The following ABCA2 variants were observed in gnomAD, a reference collection of about 807,000 sequenced individuals.
ABCA2 encodes ATP binding cassette subfamily A member 2.
ABCA2 carries 84 observed loss-of-function variants against 262.8 expected under a neutral mutation model. That is an observed-to-expected ratio of 0.32 (90% CI 0.27 to 0.38). The LOEUF (loss-of-function observed/expected upper bound fraction) is 0.38, where lower values mean the gene tolerates loss of function less well. Among genes scored for constraint, ABCA2 ranks in the 10% least tolerant of loss-of-function variants. The probability of loss-of-function intolerance (pLI) is 1.00; values close to 1 mark genes in which losing one functional copy is unlikely to be tolerated. For synonymous variants in ABCA2, 1,696 were observed against 1,502.9 expected (o/e 1.13, Z -2.97); for missense variants, 2,662 against 3,405.9 (o/e 0.78, Z 5.44).
At chr9:137,023,788 C>G in intron 3 of ABCA2, 50 bp downstream of exon 3, 1 of 736,636 alleles carries the variant, frequency 1.4e-6, no homozygotes, top group Non-Finnish European at 2.5e-6. Flanking sequence ...CCCATGGGCC[C>G]CCCGCAGCTG....
In ABCA2 at chr9:137,012,384, A is replaced by G. The variant is rs769188215; in HGVS notation, c.5188-8T>C. The G allele has an allele frequency of 5.6e-6, 9 of 1,611,446 alleles. No individual in the cohort carries two copies. Among genetic ancestry groups the G allele is most frequent in the Non-Finnish European group, 8.5e-7 (1 of 1,179,042 alleles). ...CTTGTTGTTGTAGAAAACCTGCAGA[A>G]GGAAGAGGACACAGAAAGGCCCCAG... On this transcript the variant is annotated splice_region_variant and splice_polypyrimidine_tract_variant and intron_variant, in intron 32 of 48. Transcript: ENST00000341511.
chr9:137,012,010 C>T lies in ABCA2; in HGVS notation c.5369G>A (p.Gly1790Asp), dbSNP rs1190827734. 6.2e-7 allele frequency: 1 copy of T among 1,612,324 alleles called. No individual in the cohort carries two copies. Residue 1790 changes from glycine (G) to aspartate (D), a missense_variant, in exon 35 of 49, where the codon GGC becomes GAC. Coordinates refer to ENST00000341511, the MANE Select transcript of ABCA2 (RefSeq NM_001606.5). Reference sequence around the variant, plus strand: ...GAAGATGGCGATGACGACATCCGTGCCCTGCAGCCTGGGGCAAGGAAGCCC... The same window carrying T: ...GAAGATGGCGATGACGACATCCGTGTCCTGCAGCCTGGGGCAAGGAAGCCC... ...ASLSLDYLLQ[G>D]TDVVIAIFII...
Position 137,011,543 on chromosome 9 carries a change from G to A in ABCA2, c.5663C>T (p.Thr1888Met). 2 of 1,583,980 alleles carry A rather than the reference G, an allele frequency of 1.3e-6. No individual in the cohort carries two copies. Among genetic ancestry groups the A allele is most frequent in the Non-Finnish European group, 1.7e-6 (2 of 1,165,200 alleles). Residue 1888 changes from threonine (T) to methionine (M), a missense_variant, in exon 37 of 49, where the codon ACG becomes ATG. Around this residue, in one of 12 missense-constraint regions of ABCA2, gnomAD observed 602 missense variants for 897.4 expected, o/e 0.67. Transcript: ENST00000341511. This position sits in a 1 kb window ranked among gnomAD's most constrained non-coding sequence, Gnocchi z 8.8. ...SLFLLYGWSI[T>M]PIMYPASFWF... ...GAAGGAGGCCGGGTACATGATGGGC[G>A]TGATGGACCACCTGCGGGCAGGTGG...
chr9:137,024,822 G>C (rs1277210331), intron 1 of ABCA2, among the ~76,000 whole-genome samples: 3 of 146,286 alleles, frequency 2.1e-5, no homozygotes, highest in Non-Finnish European at 4.5e-5. Context: ...TTTTTGAGAC[G>C]GAGTCTCACT....
chr9:137,016,441 G>A lies in ABCA2; in HGVS notation c.2954C>T (p.Thr985Ile), dbSNP rs956880367. 1.9e-6 allele frequency: 3 copies of A among 1,612,790 alleles called. No homozygotes were observed. Among genetic ancestry groups the A allele is most frequent in the East Asian group, 4.5e-5 (2 of 44,880 alleles). The change falls in exon 21 of 49, where the codon ACC becomes ATC. Residue 985 changes from threonine to isoleucine, a missense_variant. Around this residue, in one of 12 missense-constraint regions of ABCA2, gnomAD observed 133 missense variants for 150.8 expected, o/e 0.88. Transcript: ENST00000341511. Reference sequence around the variant, plus strand: ...CACGCAGACAACCAGAGGCAGGTGGGTGGGCTCCTCCTCCATGCCACGGGT... The same window carrying A: ...CACGCAGACAACCAGAGGCAGGTGGATGGGCTCCTCCTCCATGCCACGGGT... Reference protein sequence around the residue: ...EETRGMEEEPTHLPLVVCVDK... With the variant: ...EETRGMEEEPIHLPLVVCVDK...
intron 10 of ABCA2, 173 bp downstream of exon 10, chr9:137,020,163 A>AG (rs201067832): frequency 0.086 from 71,774 of 831,914 alleles, 3,813 homozygotes; most frequent in African/African-American, 0.2. Flanking sequence ...GAGCTCCCGA[A>AG]AGGAAAAGCG....
At position 137,021,968 on chromosome 9, in the gene ABCA2, G is replaced by A. The variant is rs199867597; in HGVS notation, c.601C>T (p.Leu201=). The A allele has an allele frequency of 1.2e-5, 19 of 1,599,390 alleles. No individual in the cohort carries two copies. Among genetic ancestry groups the A allele is most frequent in the African/African-American group, 5.5e-5 (4 of 73,082 alleles). Residue 201 remains leucine (L), a synonymous_variant, in exon 7 of 49, where the codon CTG becomes TTG. Coordinates refer to ENST00000341511, the MANE Select transcript of ABCA2 (RefSeq NM_001606.5). The surrounding 1 kb of genome is among the most constrained non-coding windows in gnomAD (Gnocchi z 6.0). ...YHLLFGPSSA[L]DSQSGLHKGQ... is the part of the protein sequence containing the mutation. ...TTGTGGAGGCCAGACTGTGAATCCA[G>A]GGCAGATGAGGGACCAAAGAGCAGG...
rs1302422635 is a variant in ABCA2 at position 137,014,918 on chromosome 9, A to T, written c.3877T>A (p.Phe1293Ile). Residue 1293 changes from phenylalanine (F) to isoleucine (I), a missense_variant, in exon 25 of 49, where the codon TTC (phenylalanine) becomes ATC (isoleucine). Phe to Ile is a conservative substitution (Grantham distance 21). Around this residue, in one of 12 missense-constraint regions of ABCA2, gnomAD observed 297 missense variants for 286.5 expected, o/e 1.04. Coordinates refer to ENST00000341511, the MANE Select transcript of ABCA2 (RefSeq NM_001606.5). ...AAKKGAFERL[F>I]QHLERSLDAL... ...CGACCCGTGCGCCCTCACACCTGGA[A>T]GAGGCGCTCGAAAGCCCCCTTCTTG... The T allele has an allele frequency of 6.4e-7, 1 of 1,571,350 alleles. No homozygotes were observed.
At chr9:137,023,684 G>A in intron 3 of ABCA2, 154 bp downstream of exon 3, 2 of 688,570 alleles carry the variant, frequency 2.9e-6, no homozygotes, top group South Asian at 3.1e-5. Flanking sequence ...TTCACTGCCT[G>A]CCACCCCCCA....
rs750020516 is a variant in ABCA2, at chr9:137,012,389, G to A, written c.5188-13C>T. 20 of 1,610,960 alleles carry A rather than the reference G, an allele frequency of 1.2e-5. No homozygotes were observed. The highest frequency in any genetic ancestry group is 1.7e-5 in the Admixed American group (1 of 59,960). On this transcript the variant is annotated splice_polypyrimidine_tract_variant and intron_variant, in intron 32 of 48. Transcript: ENST00000341511. Reference sequence around the variant, plus strand: ...TGTTGTAGAAAACCTGCAGAAGGAAGAGGACACAGAAAGGCCCCAGGACCT... The same window carrying A: ...TGTTGTAGAAAACCTGCAGAAGGAAAAGGACACAGAAAGGCCCCAGGACCT...
In ABCA2 at chr9:137,011,467, G is replaced by C. The variant is rs759961132; in HGVS notation, c.5739C>G (p.Leu1913=). The C allele has an allele frequency of 6.2e-7, 1 of 1,610,746 alleles. No individual in the cohort carries two copies. The highest frequency in any genetic ancestry group is 8.5e-7 in the Non-Finnish European group (1 of 1,179,000). ...CCACGGTGGCGGTGATGCCGATGAA[G>C]AGATTGATGACAATGAGGAACACGT... ...SAYVFLIVIN[L]FIGITATVAT... The change falls in exon 37 of 49, where the codon CTC becomes CTG. Residue 1913 remains leucine (L), a synonymous_variant. Transcript: ENST00000341511. The surrounding 1 kb of genome is among the most constrained non-coding windows in gnomAD (Gnocchi z 8.8).
intron 3 of ABCA2, 87 bp from the exon 4 acceptor site, chr9:137,023,139 G>T: frequency 9.4e-7 from 1 of 1,063,244 alleles, no homozygotes. Context: ...GACAGAGGCC[G>T]AGAGGAGAAA....
rs201802252 is a variant in ABCA2 at position 137,022,496 on chromosome 9, C to T, written c.440-18G>A. On this transcript the variant is annotated intron_variant, in intron 5 of 48. Coordinates refer to ENST00000341511, the MANE Select transcript of ABCA2 (RefSeq NM_001606.5). ...GGAAGACACTGGACAGGCAGGAAGGCGAGGCTGAGAGGCCGCTGCACCTTG... is the reference window on the plus strand; with the variant it reads ...GGAAGACACTGGACAGGCAGGAAGGTGAGGCTGAGAGGCCGCTGCACCTTG... The T allele has an allele frequency of 2.9e-5, 46 of 1,608,112 alleles. No individual in the cohort carries two copies. The African/African-American group carries it at 4.8e-4, about 17-fold the overall frequency.
At chr9:137,018,392 G>T in intron 13 of ABCA2, 41 bp from the exon 14 acceptor site, 1 of 1,405,880 alleles carries the variant, frequency 7.1e-7, no homozygotes, top group Non-Finnish European at 9.4e-7. Flanking sequence ...ATGCAGGGGC[G>T]GGACCAAGGC....
At chr9:137,020,175 C>A (rs934707440) in intron 10 of ABCA2, 161 bp downstream of exon 10, 18 of 867,492 alleles carry the variant, frequency 2.1e-5, no homozygotes, top group Non-Finnish European at 2.9e-5. Flanking sequence ...GGAAAAGCGA[C>A]CCCCTGGTCC....
chr9:137,028,752 C>A (rs776332482), upstream of ABCA2: 4 of 1,283,606 alleles, frequency 3.1e-6, no homozygotes, highest in South Asian at 5.3e-5. The surrounding 1 kb of genome is among the most constrained non-coding windows in gnomAD (Gnocchi z 6.9). Flanking sequence ...TGGGTCCGTC[C>A]CGCGATTCCG....
Position 137,019,207 on chromosome 9 carries a change from G to C in ABCA2, c.1525C>G (p.Leu509Val). ...EIRSFLEQGR[L>V]QQHLRWLQQY... ...TGCAGCCAGCGCAGGTGTTGCTGCA[G>C]CCTGCCCTGCTCCAGGAAGCTGCGG... The change falls in exon 11 of 49, where the codon CTG (leucine) becomes GTG (valine). Residue 509 changes from leucine to valine, a missense_variant. Transcript: ENST00000341511. The surrounding 1 kb of genome is among the most constrained non-coding windows in gnomAD (Gnocchi z 4.4). 6.2e-7 allele frequency: 1 copy of C among 1,612,646 alleles called. No homozygotes were observed. Among genetic ancestry groups the C allele is most frequent in the Middle Eastern group, 1.7e-4 (1 of 6,048 alleles).
At chr9:137,023,638 A>C (rs1000817004) in intron 3 of ABCA2, 200 bp downstream of exon 3, 4 of 693,150 alleles carry the variant, frequency 5.8e-6, no homozygotes, top group African/African-American at 5.2e-5. Context: ...CTGTGCCTTT[A>C]GGTGGCCGGG....
At chr9:137,028,832 C>A (rs1470742427), upstream of ABCA2, 2 of 1,314,612 alleles carry the variant, frequency 1.5e-6, no homozygotes, top group African/African-American at 1.6e-5. The surrounding 1 kb of genome is among the most constrained non-coding windows in gnomAD (Gnocchi z 6.9). Context: ...GGCAGGGGAC[C>A]GAGGCGGCCC....
Sources: gnomAD v4.1 joint callset for allele counts (sites outside exome capture counted in the v4.1 genomes callset) on GRCh38, gnomAD v4.1.1 for gene constraint, gnomAD v4.1.1 regional missense constraint, Gnocchi (gnomAD v3.1) non-coding constraint, MANE v1.5 for transcripts, NCBI Gene and HGNC (gene_info 2026-07-23, HGNC 2026-07-21) for gene names.